Variants in CFAP299 observed in about 807,000 individuals in gnomAD.
The protein encoded by CFAP299 is cilia- and flagella-associated protein 299.
CFAP299 carries 21 observed loss-of-function variants against 27.0 expected under a neutral mutation model. The observed-to-expected ratio is 0.78, with a 90% CI of 0.55 to 1.12. The LOEUF (loss-of-function observed/expected upper bound fraction) is 1.12. Among genes scored for constraint, CFAP299 ranks in the 50% most tolerant of loss-of-function variants. CFAP299 has a pLI of 0.00. For synonymous variants in CFAP299, 104 were observed against 98.1 expected, an observed-to-expected ratio of 1.06 and a Z score of -0.36; for missense variants, 310 against 276.6, an observed-to-expected ratio of 1.12 and a Z score of -0.86.
intron 4 of CFAP299, among the ~76,000 whole-genome samples, chr4:80,930,178 C>G (rs1249626163): frequency 6.6e-6 from 1 of 152,066 alleles, no homozygotes; most frequent in Non-Finnish European, 1.5e-5. Flanking sequence ...TTTAATTAGG[C>G]CTCTATAAAA....
At chr4:80,485,681 TAGAG>T (rs1300347481) in intron 2 of CFAP299, among the ~76,000 whole-genome samples, 1 of 152,108 alleles carries the variant, frequency 6.6e-6, no homozygotes, top group Non-Finnish European at 1.5e-5. Flanking sequence ...TTTAAGATAA[TAGAG>T]AGCTAAAGAG....
chr4:80,875,400 G>A (rs779399264), intron 4 of CFAP299, among the ~76,000 whole-genome samples: 18 of 152,180 alleles, frequency 1.2e-4, no homozygotes, highest in African/African-American at 2.4e-4. Flanking sequence ...GGTGGCTCAC[G>A]CCTGTAATCC....
intron 3 of CFAP299, among the ~76,000 whole-genome samples, chr4:80,856,896 TG>T (rs1242012514): frequency 1.3e-5 from 2 of 151,980 alleles, no homozygotes; most frequent in Admixed American, 6.5e-5. Context: ...GGCTCTTTTT[TG>T]GTTCCATATG....
At chr4:80,652,367 GA>G in intron 3 of CFAP299, among the ~76,000 whole-genome samples, 1 of 152,116 alleles carries the variant, frequency 6.6e-6, no homozygotes. Flanking sequence ...AGTAAGAAAT[GA>G]AAAACATAAA....
intron 3 of CFAP299, among the ~76,000 whole-genome samples, chr4:80,596,047 T>C (rs900048963): frequency 2.0e-4 from 31 of 152,080 alleles, no homozygotes; most frequent in African/African-American, 7.2e-4. Flanking sequence ...TTATTTTATA[T>C]AATTATCTTT....
chr4:80,362,819 G>A lies in CFAP299; in HGVS notation c.177G>A (p.Arg59=), dbSNP rs111601924. ...GYRGTGERVK[R]EDFEARKAAI... is the part of the protein sequence containing the mutation. ...GAGGGACTGGAGAGAGAGTGAAAAG[G>A]GAAGATTTTGAAGCAAGGAAAGCGG... The change falls in exon 2 of 6, where the codon AGG becomes AGA. Residue 59 remains arginine, a synonymous_variant. Coordinates refer to ENST00000358105, the MANE Select transcript of CFAP299 (RefSeq NM_152770.3). 1 of 1,613,270 alleles carries A rather than the reference G, an allele frequency of 6.2e-7. No individual in the cohort carries two copies. The highest frequency in any genetic ancestry group is 1.7e-5 in the Admixed American group (1 of 59,646).
intron 3 of CFAP299, among the ~76,000 whole-genome samples, chr4:80,732,183 TG>T (rs964226786): frequency 6.6e-6 from 1 of 152,122 alleles, no homozygotes; most frequent in Non-Finnish European, 1.5e-5. Flanking sequence ...ATAGAGTATT[TG>T]AAGGAAGTGA....
intron 3 of CFAP299, among the ~76,000 whole-genome samples, chr4:80,653,313 G>A (rs11931826): frequency 0.076 from 11,492 of 152,072 alleles, 645 homozygotes; most frequent in East Asian, 0.23. Flanking sequence ...TTTTAGTGAT[G>A]TTTCCTTTGC....
At chr4:80,380,241 G>A (rs6534890) in intron 2 of CFAP299, among the ~76,000 whole-genome samples, 142,673 of 152,042 alleles carry the variant, frequency 0.94, 67,490 homozygotes, top group East Asian at 1. Context: ...TATTTTTTCC[G>A]TCCTAGCCTC....
chr4:80,542,001 G>T (rs546785077), intron 2 of CFAP299, among the ~76,000 whole-genome samples: 15 of 151,962 alleles, frequency 9.9e-5, no homozygotes, highest in African/African-American at 3.6e-4. Context: ...AGGACAGAAG[G>T]CATATTCATA....
intron 2 of CFAP299, among the ~76,000 whole-genome samples, chr4:80,471,801 C>G (rs1036496097): frequency 8.5e-5 from 13 of 152,322 alleles, no homozygotes; most frequent in African/African-American, 3.1e-4. Context: ...CACAGCGTGA[C>G]TGCCAGTGTT....
At chr4:80,669,141 CTTTCTTTCTTTTTTTTTTTTTTT>C (rs1741315047) in intron 3 of CFAP299, among the ~76,000 whole-genome samples, 2 of 30,726 alleles carry the variant, frequency 6.5e-5, no homozygotes, top group Non-Finnish European at 1.3e-4. Flanking sequence ...GTCTTTCTTT[CTTTCTTTCTTTTTTTTTTTTTTT>C]TTTTTTTTTT....
chr4:80,713,999 C>T (rs1160352286), intron 3 of CFAP299, among the ~76,000 whole-genome samples: 1 of 152,092 alleles, frequency 6.6e-6, no homozygotes. Context: ...CTCTATTAAA[C>T]TTATGAGATA....
intron 3 of CFAP299, among the ~76,000 whole-genome samples, chr4:80,700,928 G>T (rs1721434374): frequency 6.6e-6 from 1 of 151,906 alleles, no homozygotes. Context: ...TGTTTATTTT[G>T]TGCCAGCCAC....
intron 2 of CFAP299, among the ~76,000 whole-genome samples, chr4:80,498,433 G>T (rs1296482081): frequency 2.6e-5 from 4 of 151,884 alleles, no homozygotes; most frequent in Admixed American, 6.6e-5. Context: ...TTGGGCAAAG[G>T]ACATAAACAG....
intron 3 of CFAP299, among the ~76,000 whole-genome samples, chr4:80,666,878 A>C (rs893939950): frequency 1.4e-4 from 21 of 152,172 alleles, no homozygotes; most frequent in African/African-American, 5.1e-4. Context: ...CTAGTATCAT[A>C]GGTCCATAAG....
chr4:80,689,405 A>C (rs1363745121), intron 3 of CFAP299, among the ~76,000 whole-genome samples: 1 of 152,232 alleles, frequency 6.6e-6, no homozygotes, highest in African/African-American at 2.4e-5. Flanking sequence ...CTCAAAGAAA[A>C]GAATTTTCAA....
intron 2 of CFAP299, among the ~76,000 whole-genome samples, chr4:80,571,278 GT>G (rs1560630589): frequency 6.6e-6 from 1 of 152,066 alleles, no homozygotes. Flanking sequence ...AGATAAGGAA[GT>G]TTTTCCATGC....
chr4:80,797,837 C>T (rs556839929), intron 3 of CFAP299, among the ~76,000 whole-genome samples: 3 of 152,154 alleles, frequency 2.0e-5, no homozygotes, highest in Non-Finnish European at 4.4e-5. Flanking sequence ...GGATCCCTTC[C>T]TCTAAATTAA....
Sources: allele counts gnomAD v4.1 joint callset (sites outside exome capture counted in the v4.1 genomes callset), GRCh38; gene constraint gnomAD v4.1.1; transcripts MANE v1.5; gene names NCBI Gene and HGNC (gene_info 2026-07-23, HGNC 2026-07-21).